PCDH9: variants seen among roughly 807,000 people sequenced by gnomAD.
PCDH9 encodes protocadherin 9, also known as protocadherin-9.
PCDH9 carries 24 observed loss-of-function variants against 70.6 expected under a neutral mutation model. The observed-to-expected ratio is 0.34, with a 90% CI of 0.25 to 0.48. The LOEUF is 0.48. PCDH9 is among the 20% of genes least tolerant of loss of function. The pLI is 0.99. For synonymous variants in PCDH9, 562 were observed against 558.5 expected, an observed-to-expected ratio of 1.01 and a Z score of -0.09; for missense variants, 1,281 against 1,503.6, an observed-to-expected ratio of 0.85 and a Z score of 2.45.
At chr13:66,646,270 T>TAATG (rs912527070) in intron 3 of PCDH9, among the ~76,000 whole-genome samples, 1 of 152,246 alleles carries the variant, frequency 6.6e-6, no homozygotes, top group African/African-American at 2.4e-5. Flanking sequence ...GGGTGCTTAA[T>TAATG]AATGGTATCC....
chr13:66,618,292 T>G (rs975308030), intron 4 of PCDH9, among the ~76,000 whole-genome samples: 1 of 152,184 alleles, frequency 6.6e-6, no homozygotes, highest in African/African-American at 2.4e-5. Flanking sequence ...CTGTATCTCA[T>G]CTGGCAGCCT....
intron 3 of PCDH9, among the ~76,000 whole-genome samples, chr13:66,799,722 A>G (rs893892258): frequency 1.3e-5 from 2 of 152,158 alleles, no homozygotes; most frequent in African/African-American, 4.8e-5. Flanking sequence ...TATTTCTCTT[A>G]ACTTTTGTCA....
intron 2 of PCDH9, among the ~76,000 whole-genome samples, chr13:66,988,673 A>C (rs1234941982): frequency 1.3e-5 from 2 of 152,010 alleles, no homozygotes; most frequent in Non-Finnish European, 2.9e-5. Context: ...AGAATGAGGA[A>C]ATAATTAGTG....
chr13:66,977,617 A>C (rs901296552), intron 2 of PCDH9: 1 of 152,136 alleles, frequency 6.6e-6, no homozygotes, highest in African/African-American at 2.4e-5. Flanking sequence ...TGTCTCTTTA[A>C]GTACTTATTC....
intron 3 of PCDH9, among the ~76,000 whole-genome samples, chr13:66,865,371 C>A (rs943627378): frequency 1.3e-5 from 2 of 152,130 alleles, no homozygotes; most frequent in Non-Finnish European, 2.9e-5. Flanking sequence ...TATATATAGT[C>A]AAATTGTTCT....
chr13:67,223,648 A>G (rs886714617), intron 2 of PCDH9: 5 of 152,100 alleles, frequency 3.3e-5, no homozygotes, highest in African/African-American at 1.2e-4. Flanking sequence ...AACCTTTACT[A>G]AGACTGAACA....
At chr13:66,325,031 A>G (rs1430741183) in intron 4 of PCDH9, among the ~76,000 whole-genome samples, 1 of 151,982 alleles carries the variant, frequency 6.6e-6, no homozygotes, top group African/African-American at 2.4e-5. Context: ...AGTTATAAAC[A>G]TTGTACCCAC....
intron 4 of PCDH9, among the ~76,000 whole-genome samples, chr13:66,386,130 G>A (rs192725521): frequency 8.4e-4 from 127 of 152,074 alleles, no homozygotes; most frequent in East Asian, 3.9e-4. Context: ...CATATTATCC[G>A]TTAGTTCAAA....
At chr13:66,382,125 C>A (rs911475984) in intron 4 of PCDH9, among the ~76,000 whole-genome samples, 6 of 152,180 alleles carry the variant, frequency 3.9e-5, no homozygotes, top group Non-Finnish European at 8.8e-5. Context: ...GTAGTATAAT[C>A]TTTCCTTTTA....
chr13:66,702,997 C>CAT (rs1327066417), intron 3 of PCDH9, among the ~76,000 whole-genome samples: 5 of 152,186 alleles, frequency 3.3e-5, no homozygotes, highest in Middle Eastern at 3.4e-3. Context: ...CACACAAACA[C>CAT]ATATATATAT....
intron 4 of PCDH9, among the ~76,000 whole-genome samples, chr13:66,457,662 T>C (rs1202575281): frequency 6.6e-6 from 1 of 152,022 alleles, no homozygotes; most frequent in Non-Finnish European, 1.5e-5. Flanking sequence ...GGAATTAGTA[T>C]TTTTAAAAGA....
chr13:66,508,558 G>A (rs1245247269), intron 4 of PCDH9, among the ~76,000 whole-genome samples: 3 of 151,954 alleles, frequency 2.0e-5, no homozygotes, highest in Admixed American at 6.6e-5. Flanking sequence ...GGGTGATGTC[G>A]AATACATTTC....
intron 3 of PCDH9, among the ~76,000 whole-genome samples, chr13:66,791,187 T>C (rs1434869737): frequency 1.3e-5 from 2 of 152,062 alleles, no homozygotes; most frequent in African/African-American, 4.8e-5. Context: ...CATAAACACA[T>C]GGAGAAATTA....
chr13:67,128,330 G>C (rs550691080), intron 2 of PCDH9, among the ~76,000 whole-genome samples: 1 of 152,186 alleles, frequency 6.6e-6, no homozygotes, highest in Non-Finnish European at 1.5e-5. Flanking sequence ...CACAATGCAA[G>C]TATCTCTGAG....
intron 2 of PCDH9, among the ~76,000 whole-genome samples, chr13:67,061,600 A>G (rs1389606298): frequency 1.3e-5 from 2 of 152,022 alleles, no homozygotes; most frequent in African/African-American, 4.8e-5. Flanking sequence ...TCATTCCTGG[A>G]CCTTTTGTCT....
intron 3 of PCDH9, among the ~76,000 whole-genome samples, chr13:66,792,030 GC>G (rs1203680331): frequency 2.6e-5 from 4 of 152,072 alleles, no homozygotes; most frequent in Non-Finnish European, 4.4e-5. Context: ...TGCTTACTTT[GC>G]TCCATCAAAG....
At chr13:67,154,595 A>AAAAATATATATATAT (rs1555313195) in intron 2 of PCDH9, among the ~76,000 whole-genome samples, 2 of 89,006 alleles carry the variant, frequency 2.2e-5, no homozygotes, top group African/African-American at 9.0e-5. Context: ...AAAAAAAAAA[A>AAAAATATATATATAT]ATATATATAT....
intron 3 of PCDH9, among the ~76,000 whole-genome samples, chr13:66,799,522 T>C (rs529724280): frequency 6.6e-6 from 1 of 152,296 alleles, no homozygotes; most frequent in South Asian, 2.1e-4. Context: ...CTCTAATAGA[T>C]AGCAATATTC....
intron 2 of PCDH9, among the ~76,000 whole-genome samples, chr13:67,196,020 A>T (rs1296715403): frequency 6.6e-6 from 1 of 152,212 alleles, no homozygotes; most frequent in East Asian, 1.9e-4. Flanking sequence ...GGGATCACTA[A>T]CTTTTAAAGG....
Sources: allele counts gnomAD v4.1 joint callset (sites outside exome capture counted in the v4.1 genomes callset), GRCh38; gene constraint gnomAD v4.1.1; transcripts MANE v1.5; gene names NCBI Gene and HGNC (gene_info 2026-07-23, HGNC 2026-07-21).